Variants in DMD observed in about 807,000 individuals in gnomAD.
The protein encoded by DMD is mutant dystrophin.
In DMD, 63 loss-of-function variants were observed where a neutral mutation model predicts 330.1. The observed-to-expected ratio is 0.19, with a 90% confidence interval of 0.16 to 0.24. The LOEUF (loss-of-function observed/expected upper bound fraction) is 0.24. Ranked by LOEUF, DMD falls within the 10% of genes least tolerant of loss-of-function variation. The pLI is 1.00. For missense variants in DMD, 3,344 were observed against 2,684.1 expected (o/e 1.25, Z -5.43); for synonymous variants, 1,223 against 959.8 (o/e 1.27, Z -5.07).
intron 63 of DMD, among the ~76,000 whole-genome samples, chrX:31,256,127 C>T (rs1447402706): frequency 9.0e-6 from 1 of 111,356 alleles, no homozygotes; most frequent in African/African-American, 3.3e-5. Flanking sequence ...AAAAAATAGA[C>T]ATGAGACACT....
rs4829233 is a variant in DMD at position 31,754,970 on chromosome X, T to C, written c.7542+18990A>G. On this transcript the variant is annotated intron_variant, in intron 51 of 78. Transcript: ENST00000357033. ...TTAAGCCATAAAGATGAAAGAAGTG[T>C]CTCACTTAAAATATTTATTAATTAC... 2.4e-3 allele frequency among the ~76,000 whole-genome samples: 274 copies of C among 111,990 alleles called. 1 individual carries two copies. Among genetic ancestry groups the C allele is most frequent in the Admixed American group, 0.017 (180 of 10,511 alleles).
Position 32,343,145 on chromosome X carries a change from T to G in DMD, c.5728A>C (p.Arg1910=), listed in dbSNP as rs761647447. The part of the protein sequence containing the change: ...LASLPEPRDE[R]KIKEIDRELQ... ...TAAAACAACATTACCTTTATTTTCC[T>G]TTCATCTCTGGGCTCAGGTAGGCTG... The change falls in exon 40 of 79, where the codon AGG becomes CGG. Residue 1910 remains arginine (R), a synonymous_variant. Transcript: ENST00000357033. The G allele has an allele frequency of 9.9e-6, 12 of 1,208,988 alleles. No homozygotes were observed. Among genetic ancestry groups the G allele is most frequent in the Non-Finnish European group, 1.2e-5 (11 of 894,589 alleles).
At chrX:31,784,638 A>C (rs1603466254) in intron 50 of DMD, among the ~76,000 whole-genome samples, 1 of 111,500 alleles carries the variant, frequency 9.0e-6, no homozygotes, top group South Asian at 3.8e-4. Flanking sequence ...TCAAATTTTG[A>C]ATTTTGATCT....
chrX:32,759,426 C>CT (rs1489837869), intron 7 of DMD, among the ~76,000 whole-genome samples: 1 of 111,655 alleles, frequency 9.0e-6, no homozygotes, highest in Non-Finnish European at 1.9e-5. Flanking sequence ...AATGTTCATT[C>CT]TGATTTCCAG....
intron 37 of DMD, among the ~76,000 whole-genome samples, chrX:32,356,990 A>G (rs1280896600): frequency 9.0e-6 from 1 of 111,114 alleles, no homozygotes; most frequent in Non-Finnish European, 1.9e-5. Context: ...CCCGGGTTCA[A>G]ACAATTTCCC....
intron 1 of DMD, among the ~76,000 whole-genome samples, chrX:33,173,091 A>T (rs2049444437): frequency 9.0e-6 from 1 of 111,651 alleles, no homozygotes; most frequent in Non-Finnish European, 1.9e-5. Flanking sequence ...ATTTTAATAC[A>T]CTATACTTTT....
intron 9 of DMD, among the ~76,000 whole-genome samples, chrX:32,679,595 C>G (rs1162192817): frequency 9.1e-6 from 1 of 109,745 alleles, no homozygotes; most frequent in Non-Finnish European, 1.9e-5. Flanking sequence ...TAATGTCAGG[C>G]AGTGAGAAAA....
At chrX:32,754,618 A>G (rs2071267923) in intron 7 of DMD, among the ~76,000 whole-genome samples, 1 of 111,491 alleles carries the variant, frequency 9.0e-6, no homozygotes, top group Admixed American at 9.6e-5. Flanking sequence ...AACCAGTCTC[A>G]AAACTTCTTT....
chrX:32,792,462 C>T (rs1420457442), intron 7 of DMD, among the ~76,000 whole-genome samples: 1 of 111,870 alleles, frequency 8.9e-6, no homozygotes, highest in Non-Finnish European at 1.9e-5. Context: ...TAAGCCCTCA[C>T]ATATCAGTAA....
intron 12 of DMD, among the ~76,000 whole-genome samples, chrX:32,608,013 C>A (rs1224736070): frequency 9.1e-6 from 1 of 109,328 alleles, no homozygotes. Context: ...ATGTTAGTGC[C>A]TCTAAGATGA....
At chrX:33,279,452 T>G (rs114110435) in intron 1 of DMD, among the ~76,000 whole-genome samples, 21,015 of 109,834 alleles carry the variant, frequency 0.19, 1,964 homozygotes, top group East Asian at 0.48. Context: ...CCACAGGGTT[T>G]TTTTTTTTTT....
intron 1 of DMD, among the ~76,000 whole-genome samples, chrX:33,278,509 A>AT (rs2053271749): frequency 9.0e-6 from 1 of 111,194 alleles, no homozygotes. Context: ...AAAGGATATG[A>AT]TTTTTTTCTT....
rs143392488 is a variant in DMD at position 32,500,097 on chromosome X, C to T, written c.2380+1658G>A. Among the ~76,000 whole-genome samples, 621 of 110,695 alleles carry T rather than the reference C, an allele frequency of 5.6e-3. 1 individual carries two copies. Among genetic ancestry groups the T allele is most frequent in the African/African-American group, 0.019 (569 of 30,446 alleles). ...AAAGGGTAGCATAAAATTTGATTAA[C>T]ACAGTCAACCAAACAGGAATGTCTC... On this transcript the variant is annotated intron_variant, in intron 19 of 78. Coordinates refer to ENST00000357033, the MANE Select transcript of DMD (RefSeq NM_004006.3).
intron 48 of DMD, among the ~76,000 whole-genome samples, chrX:31,848,473 T>C (rs1603497383): frequency 9.0e-6 from 1 of 111,668 alleles, no homozygotes; most frequent in Admixed American, 9.6e-5. Context: ...AAAGTCGTCA[T>C]GGGATTTCCA....
At chrX:31,575,119 C>G in intron 55 of DMD, among the ~76,000 whole-genome samples, 1 of 111,771 alleles carries the variant, frequency 8.9e-6, no homozygotes, top group South Asian at 3.7e-4. Flanking sequence ...CACGGTGTTT[C>G]AGTATCTTCT....
At chrX:31,463,572 A>G (rs2066666979) in intron 59 of DMD, among the ~76,000 whole-genome samples, 1 of 112,199 alleles carries the variant, frequency 8.9e-6, no homozygotes, top group African/African-American at 3.2e-5. Flanking sequence ...ACTGAACGGT[A>G]GGAGAGTAAC....
At chrX:31,710,540 C>T (rs750536953) in intron 52 of DMD, among the ~76,000 whole-genome samples, 2 of 111,897 alleles carry the variant, frequency 1.8e-5, no homozygotes, top group Admixed American at 1.9e-4. Flanking sequence ...TTACCCTTCT[C>T]CCAATTCTAT....
At chrX:32,328,543 A>G (rs1454595385) in intron 41 of DMD, among the ~76,000 whole-genome samples, 1 of 111,377 alleles carries the variant, frequency 9.0e-6, no homozygotes, top group Non-Finnish European at 1.9e-5. Context: ...ATAGGAGGTG[A>G]TGGTTTTCAT....
At chrX:32,576,390 T>C (rs2149156722) in intron 13 of DMD, among the ~76,000 whole-genome samples, 1 of 110,898 alleles carries the variant, frequency 9.0e-6, no homozygotes, top group East Asian at 2.8e-4. Flanking sequence ...ATATTTGAAC[T>C]GCCACCATAA....
Sources: gnomAD v4.1 joint callset for allele counts (sites outside exome capture counted in the v4.1 genomes callset) on GRCh38, gnomAD v4.1.1 for gene constraint, MANE v1.5 for transcripts, NCBI Gene and HGNC (gene_info 2026-07-23, HGNC 2026-07-21) for gene names.